MYRIP: variants seen among roughly 807,000 people sequenced by gnomAD.
MYRIP encodes the protein myosin VIIA and Rab interacting protein.
In MYRIP, 49 loss-of-function variants were observed where a neutral mutation model predicts 98.0. The ratio of observed to expected loss-of-function variants is 0.50; its 90% confidence interval spans 0.40 to 0.63. The LOEUF is 0.63. MYRIP is among the 30% of genes least tolerant of loss of function. MYRIP has a pLI of 0.00. For synonymous variants in MYRIP, 404 were observed against 409.5 expected, an observed-to-expected ratio of 0.99 and a Z score of 0.16; for missense variants, 1,004 against 1,058.2, an observed-to-expected ratio of 0.95 and a Z score of 0.71.
In MYRIP at chr3:40,022,920, A is replaced by T. The variant is rs180853027; in HGVS notation, c.111-21130A>T. Among the ~76,000 whole-genome samples, 31 of 152,300 alleles carry T rather than the reference A, an allele frequency of 2.0e-4. 1 individual carries two copies. The highest frequency in any genetic ancestry group is 7.4e-5 in the Non-Finnish European group (5 of 68,010). On this transcript the variant is annotated intron_variant, in intron 2 of 16. Coordinates refer to ENST00000302541, the MANE Select transcript of MYRIP (RefSeq NM_015460.4). ...TCCACATAAGATCGTGACCTGGAAA[A>T]GAGACTGGCAGTTACAGATCCTAGG...
intron 1 of MYRIP, among the ~76,000 whole-genome samples, chr3:39,819,088 C>A (rs979267083): frequency 1.8e-4 from 27 of 152,248 alleles, no homozygotes; most frequent in African/African-American, 6.5e-4. Flanking sequence ...GTGGCTGATG[C>A]CTGTAATTCC....
intron 1 of MYRIP, among the ~76,000 whole-genome samples, chr3:39,835,568 A>G (rs1031133794): frequency 6.6e-6 from 1 of 151,708 alleles, no homozygotes; most frequent in African/African-American, 2.4e-5. Context: ...AGAAAATAAC[A>G]TGCTGCTTGT....
intron 2 of MYRIP, among the ~76,000 whole-genome samples, chr3:39,914,218 G>A (rs1944097248): frequency 6.6e-6 from 1 of 152,088 alleles, no homozygotes; most frequent in South Asian, 2.1e-4. Context: ...AAAACCAGAA[G>A]TCACCTTGGC....
At chr3:40,136,040 C>T (rs549490727) in intron 3 of MYRIP, among the ~76,000 whole-genome samples, 3 of 152,302 alleles carry the variant, frequency 2.0e-5, no homozygotes, top group Non-Finnish European at 2.9e-5. Context: ...ACAATACTAA[C>T]CTTAAATGTA....
chr3:40,242,680 T>A (rs1345567327), intron 12 of MYRIP, among the ~76,000 whole-genome samples: 1 of 152,212 alleles, frequency 6.6e-6, no homozygotes, highest in African/African-American at 2.4e-5. Context: ...TTATTTCGTT[T>A]CACTTAAATA....
chr3:40,170,070 T>A lies in MYRIP; in HGVS notation c.850T>A (p.Tyr284Asn). 1 of 1,614,196 alleles carries A rather than the reference T, an allele frequency of 6.2e-7. No homozygotes were observed. The highest frequency in any genetic ancestry group is 8.5e-7 in the Non-Finnish European group (1 of 1,180,034). ...GGGGACCTCAGCATCCCCTGGAGGC[T>A]ACCGTGCTCCCGCTGCCCTCTGGGT... ...DEGTSASPGG[Y>N]RAPAALWRSQ... Residue 284 changes from tyrosine (Y) to asparagine (N), a missense_variant, in exon 8 of 17, where the codon TAC becomes AAC. Physicochemically the swap from Tyr to Asn is moderately radical, Grantham distance 143 (BLOSUM62 -2). Coordinates refer to ENST00000302541, the MANE Select transcript of MYRIP (RefSeq NM_015460.4).
At chr3:39,906,288 C>G (rs367692020) in intron 2 of MYRIP, among the ~76,000 whole-genome samples, 2 of 152,240 alleles carry the variant, frequency 1.3e-5, no homozygotes, top group East Asian at 3.9e-4. Flanking sequence ...ACGGGTGAGG[C>G]ACCCCATGAT....
intron 1 of MYRIP, among the ~76,000 whole-genome samples, chr3:39,851,642 A>G (rs1942132855): frequency 6.6e-6 from 1 of 152,250 alleles, no homozygotes; most frequent in Non-Finnish European, 1.5e-5. Flanking sequence ...CAAAGTTTAC[A>G]ATACAGGGAT....
chr3:40,253,662 G>T (rs1953470132), intron 16 of MYRIP, among the ~76,000 whole-genome samples: 1 of 152,172 alleles, frequency 6.6e-6, no homozygotes, highest in Admixed American at 6.5e-5. Flanking sequence ...TTACCTTAGG[G>T]ATAGCAGCGC....
intron 1 of MYRIP, among the ~76,000 whole-genome samples, chr3:39,837,201 C>T (rs1941653886): frequency 6.6e-6 from 1 of 152,170 alleles, no homozygotes; most frequent in Non-Finnish European, 1.5e-5. Flanking sequence ...TTTTGCTGTC[C>T]AGAAGCTCTT....
chr3:40,069,582 C>T (rs898337727), intron 3 of MYRIP, among the ~76,000 whole-genome samples: 1 of 152,118 alleles, frequency 6.6e-6, no homozygotes, highest in Non-Finnish European at 1.5e-5. Context: ...TAAATAGTAA[C>T]TCCCTATTCC....
intron 3 of MYRIP, among the ~76,000 whole-genome samples, chr3:40,073,301 TC>T (rs1948268739): frequency 6.6e-6 from 1 of 152,178 alleles, no homozygotes; most frequent in South Asian, 2.1e-4. Flanking sequence ...AAGAGTACAC[TC>T]CAAGAGAAGA....
chr3:39,993,568 C>A (rs1946233042), intron 2 of MYRIP, among the ~76,000 whole-genome samples: 1 of 152,172 alleles, frequency 6.6e-6, no homozygotes, highest in South Asian at 2.1e-4. Flanking sequence ...GGGCCCTGAA[C>A]CCTGCCTGGC....
intron 2 of MYRIP, among the ~76,000 whole-genome samples, chr3:39,978,572 C>T (rs1945810709): frequency 5.3e-5 from 8 of 152,184 alleles, no homozygotes; most frequent in Non-Finnish European, 2.9e-5. Flanking sequence ...ATTATAATTC[C>T]TCAATGCCAT....
intron 3 of MYRIP, among the ~76,000 whole-genome samples, chr3:40,067,347 G>T (rs1298346201): frequency 3.3e-5 from 5 of 152,192 alleles, no homozygotes; most frequent in Admixed American, 3.3e-4. Flanking sequence ...GAAAGACTCA[G>T]TGGTTTTCAG....
chr3:40,206,227 G>T (rs924745423), intron 10 of MYRIP, among the ~76,000 whole-genome samples: 11 of 152,174 alleles, frequency 7.2e-5, no homozygotes, highest in African/African-American at 2.6e-4. Context: ...ATAACATAGG[G>T]CAGGGATTGC....
chr3:39,952,071 C>A (rs1044769949), intron 2 of MYRIP, among the ~76,000 whole-genome samples: 4 of 152,126 alleles, frequency 2.6e-5, no homozygotes, highest in Non-Finnish European at 5.9e-5. Context: ...CCCACCCTGG[C>A]CCCAAGTATC....
At chr3:40,009,308 C>T (rs1318180611) in intron 2 of MYRIP, among the ~76,000 whole-genome samples, 3 of 148,354 alleles carry the variant, frequency 2.0e-5, no homozygotes, top group African/African-American at 7.5e-5. Flanking sequence ...GTGATCTCGG[C>T]TCCCTGCAAG....
At chr3:40,209,501 G>A (rs1951864578) in intron 10 of MYRIP, among the ~76,000 whole-genome samples, 1 of 152,058 alleles carries the variant, frequency 6.6e-6, no homozygotes, top group Non-Finnish European at 1.5e-5. Flanking sequence ...GTTTTAGTGT[G>A]TCTCATTCAT....
Sources: gnomAD v4.1 joint callset for allele counts (sites outside exome capture counted in the v4.1 genomes callset) on GRCh38, gnomAD v4.1.1 for gene constraint, MANE v1.5 for transcripts, NCBI Gene and HGNC (gene_info 2026-07-23, HGNC 2026-07-21) for gene names.